ZNF618: variants seen among roughly 807,000 people sequenced by gnomAD.
ZNF618 encodes neural precursor cell expressed, developmentally down-regulated 10.
Under a neutral mutation model 103.0 loss-of-function variants are expected in ZNF618, and 34 were observed. The observed-to-expected ratio is 0.33, with a 90% CI of 0.25 to 0.44. ZNF618 has a LOEUF of 0.44. ZNF618 is among the 20% of genes least tolerant of loss of function. The probability of loss-of-function intolerance (pLI) is 1.00; values close to 1 mark genes in which losing one functional copy is unlikely to be tolerated. For synonymous variants in ZNF618, 551 were observed against 542.2 expected, an observed-to-expected ratio of 1.02 and a Z score of -0.23; for missense variants, 1,059 against 1,295.4, an observed-to-expected ratio of 0.82 and a Z score of 2.80.
intron 3 of ZNF618, among the ~76,000 whole-genome samples, chr9:113,996,286 G>A (rs116070227): frequency 0.015 from 2,299 of 152,280 alleles, 66 homozygotes; most frequent in African/African-American, 0.053. Context: ...CTCCTGAGAC[G>A]CTCTGAGCTA....
intron 1 of ZNF618, among the ~76,000 whole-genome samples, chr9:113,926,816 C>G (rs1007081914): frequency 6.6e-6 from 1 of 152,110 alleles, no homozygotes; most frequent in Non-Finnish European, 1.5e-5. Context: ...AGTTCAAGAC[C>G]AGCCTGTGCA....
rs375196250 is a variant in ZNF618 at position 114,049,693 on chromosome 9, G to T, written c.2391G>T (p.Lys797Asn). The change falls in exon 15 of 15, where the codon AAG becomes AAT. Residue 797 changes from lysine to asparagine, a missense_variant. By Grantham distance (94) the Lys-to-Asn change is moderately conservative (BLOSUM62 0). Around this residue, in one of 6 missense-constraint regions of ZNF618, gnomAD observed 272 missense variants for 380.1 expected, o/e 0.72. Transcript: ENST00000374126. Reference protein sequence around the residue: ...LFLEALKENFKVHPAHKVAMI... With the variant: ...LFLEALKENFNVHPAHKVAMI... ...TGGAGGCGCTCAAGGAGAACTTCAAGGTGCACCCGGCCCACAAGGTGGCCA... is the reference window on the plus strand; with the variant it reads ...TGGAGGCGCTCAAGGAGAACTTCAATGTGCACCCGGCCCACAAGGTGGCCA... 4.0e-5 allele frequency: 65 copies of T among 1,613,736 alleles called. No individual in the cohort carries two copies. The highest frequency in any genetic ancestry group is 5.2e-5 in the Non-Finnish European group (61 of 1,179,902).
At chr9:114,020,729 A>T (rs1843002374) in intron 10 of ZNF618, among the ~76,000 whole-genome samples, 1 of 152,016 alleles carries the variant, frequency 6.6e-6, no homozygotes, top group African/African-American at 2.4e-5. Context: ...TTGCATATTG[A>T]TGTCATCCAC....
chr9:113,936,996 C>G (rs1265292398), intron 1 of ZNF618, among the ~76,000 whole-genome samples: 1 of 152,108 alleles, frequency 6.6e-6, no homozygotes, highest in African/African-American at 2.4e-5. Flanking sequence ...CCTCATTCCC[C>G]TCGCTCACCA....
Position 114,007,552 on chromosome 9 carries a change from G to A in ZNF618, c.640+113G>A, listed in dbSNP as rs1841861288. The A allele has an allele frequency of 5.0e-5, 49 of 974,642 alleles. No homozygotes were observed. The East Asian group carries it at 1.3e-3, about 26-fold the overall frequency. 60.4% of individuals were successfully genotyped at this position (974,642 alleles called of 1,614,324 possible). ...TCCCTCTTACCCAGAAAAAGGCCAG[G>A]CAGTAGCTGGAACCATGAGGGGAAT... On this transcript the variant is annotated intron_variant, in intron 7 of 14. Transcript: ENST00000374126.
intron 2 of ZNF618, among the ~76,000 whole-genome samples, chr9:113,987,902 C>G: frequency 1.1e-5 from 1 of 95,226 alleles, no homozygotes; most frequent in Non-Finnish European, 2.5e-5. Flanking sequence ...CATTTTTTTT[C>G]AAGATCCCCC....
chr9:114,001,363 T>C (rs567500024), intron 4 of ZNF618, among the ~76,000 whole-genome samples: 1 of 152,168 alleles, frequency 6.6e-6, no homozygotes, highest in South Asian at 2.1e-4. Context: ...GGGGCGGTCC[T>C]CTCCTTGCTG....
At chr9:113,899,254 A>C (rs558551825) in intron 1 of ZNF618, among the ~76,000 whole-genome samples, 1 of 151,998 alleles carries the variant, frequency 6.6e-6, no homozygotes, top group Non-Finnish European at 1.5e-5. Context: ...AACTCTTCTC[A>C]TTATTCCAGG....
chr9:114,043,430 A>G (rs1188523915), intron 13 of ZNF618, among the ~76,000 whole-genome samples: 2 of 152,210 alleles, frequency 1.3e-5, no homozygotes, highest in African/African-American at 4.8e-5. Flanking sequence ...ATCCTAGTGC[A>G]TGTGAAATGG....
chr9:113,977,621 C>T (rs972774185), intron 2 of ZNF618, among the ~76,000 whole-genome samples: 5 of 152,152 alleles, frequency 3.3e-5, no homozygotes, highest in African/African-American at 1.2e-4. Context: ...GGTGGCCCCT[C>T]AGAGAACAGT....
intron 1 of ZNF618, among the ~76,000 whole-genome samples, chr9:113,912,367 A>C (rs1564161693): frequency 1.3e-5 from 2 of 152,172 alleles, no homozygotes; most frequent in African/African-American, 4.8e-5. Flanking sequence ...TGGCAGATGC[A>C]GGCAGCAGAC....
intron 9 of ZNF618, among the ~76,000 whole-genome samples, chr9:114,014,025 A>G (rs1842462775): frequency 6.6e-6 from 1 of 152,226 alleles, no homozygotes; most frequent in Non-Finnish European, 1.5e-5. Context: ...CCACTTGACT[A>G]TTAACAATTA....
intron 1 of ZNF618, among the ~76,000 whole-genome samples, chr9:113,965,527 C>G (rs1410599274): frequency 6.6e-6 from 1 of 152,050 alleles, no homozygotes; most frequent in East Asian, 1.9e-4. Context: ...CACCTTCACC[C>G]CAGCTTTACG....
At chr9:113,976,739 G>A (rs1387131413) in intron 2 of ZNF618, among the ~76,000 whole-genome samples, 3 of 152,134 alleles carry the variant, frequency 2.0e-5, no homozygotes, top group Admixed American at 1.3e-4. Flanking sequence ...TTCCATTTAT[G>A]AGTACTCCAC....
chr9:113,889,541 G>A (rs1193553896), intron 1 of ZNF618, among the ~76,000 whole-genome samples: 9 of 152,188 alleles, frequency 5.9e-5, no homozygotes, highest in Non-Finnish European at 2.9e-5. Flanking sequence ...ATTGATGGAG[G>A]CAGTTACAAA....
In ZNF618 at chr9:114,016,813, G is replaced by A. The variant is rs971935778; in HGVS notation, c.844+29G>A. On this transcript the variant is annotated intron_variant, in intron 10 of 14. Coordinates refer to ENST00000374126, the MANE Select transcript of ZNF618 (RefSeq NM_001318042.2). ...AGTACCTCCTCCCGGTAGGGATGGG[G>A]GTTGGGGGACCCGGGACAGGGTGGG... is the stretch of plus-strand genomic sequence containing the variant. 7 of 1,584,902 alleles carry A rather than the reference G, an allele frequency of 4.4e-6. No individual in the cohort carries two copies. In the East Asian group the frequency reaches 6.8e-5, roughly 15 times the overall value.
At chr9:114,012,372 A>G (rs1419807064) in intron 9 of ZNF618, among the ~76,000 whole-genome samples, 1 of 151,820 alleles carries the variant, frequency 6.6e-6, no homozygotes, top group Non-Finnish European at 1.5e-5. Flanking sequence ...AGAGAGAGCA[A>G]GCTTTCTGGC....
At chr9:113,988,667 G>T in intron 3 of ZNF618, 87 bp downstream of exon 3, 1 of 1,471,754 alleles carries the variant, frequency 6.8e-7, no homozygotes, top group African/African-American at 1.4e-5. Flanking sequence ...TGGCGCCTCT[G>T]CCCCCTTCCT....
intron 13 of ZNF618, among the ~76,000 whole-genome samples, chr9:114,037,090 C>A (rs185361463): frequency 1.4e-4 from 21 of 152,316 alleles, no homozygotes; most frequent in African/African-American, 4.3e-4. Context: ...TATTACATTT[C>A]ACCACGGCAT....
Sources: allele counts gnomAD v4.1 joint callset (sites outside exome capture counted in the v4.1 genomes callset), GRCh38; gene constraint gnomAD v4.1.1; regional missense constraint gnomAD v4.1.1; transcripts MANE v1.5; gene names NCBI Gene and HGNC (gene_info 2026-07-23, HGNC 2026-07-21).